The following TFEC variants were observed in gnomAD, a reference collection of about 807,000 sequenced individuals.
The protein encoded by TFEC is transcription factor EC.
TFEC carries 31 observed loss-of-function variants against 41.6 expected under a neutral mutation model. The ratio of observed to expected loss-of-function variants is 0.74; its 90% CI spans 0.56 to 1.01. The LOEUF (loss-of-function observed/expected upper bound fraction) is 1.01. Among genes scored for constraint, TFEC ranks in the 50% least tolerant of loss-of-function variants. TFEC has a pLI of 0.00. For missense variants in TFEC, 402 were observed against 404.1 expected (o/e 0.99, Z 0.04); for synonymous variants, 143 against 140.6 (o/e 1.02, Z -0.12).
intron 2 of TFEC, chr7:116,110,986 C>A: frequency 1.1e-6 from 1 of 889,118 alleles, no homozygotes; most frequent in East Asian, 2.9e-5. Flanking sequence ...AATATTTTAT[C>A]ACCTGAGACT....
At chr7:116,082,467 C>T (rs1393445047) in intron 3 of TFEC, among the ~76,000 whole-genome samples, 1 of 151,924 alleles carries the variant, frequency 6.6e-6, no homozygotes, top group African/African-American at 2.4e-5. Flanking sequence ...ATTAACAAAT[C>T]ATTTGTTAGC....
chr7:116,054,276 T>C (rs779855781), intron 3 of TFEC, among the ~76,000 whole-genome samples: 6 of 152,112 alleles, frequency 3.9e-5, no homozygotes, highest in Non-Finnish European at 8.8e-5. Context: ...AGAGGTATAC[T>C]AGAAAATTAG....
chr7:116,030,724 G>A lies in TFEC; in HGVS notation c.-164C>T, dbSNP rs2130890807. Reference sequence around the variant, plus strand: ...CCATAACATATGCACCATGCCAGAAGGGACAACCAAAGTAAACGATCTAGC... The same window carrying A: ...CCATAACATATGCACCATGCCAGAAAGGACAACCAAAGTAAACGATCTAGC... On this transcript the variant is annotated 5_prime_UTR_variant, in exon 1 of 8. Transcript: ENST00000265440. The A allele has an allele frequency of 1.0e-6, 1 of 985,350 alleles. No homozygotes were observed. Among genetic ancestry groups the A allele is most frequent in the South Asian group, 4.7e-5 (1 of 21,284 alleles). The allele number at this position is 985,350 out of a possible 1,614,324, so 61.0% of individuals were successfully genotyped here.
At chr7:116,122,544 C>G (rs1280456730) in intron 1 of TFEC, among the ~76,000 whole-genome samples, 1 of 152,090 alleles carries the variant, frequency 6.6e-6, no homozygotes, top group African/African-American at 2.4e-5. Context: ...CTTGTTCATT[C>G]ATTCATCACT....
rs548585543 is a variant in TFEC, at chr7:115,958,987, T to C, written c.268-2194A>G. On this transcript the variant is annotated intron_variant, in intron 3 of 7. Transcript: ENST00000265440. ...CAGATTGCATTCACCTGTGAAAAAGTTTACAAAGAAAACTTCTATCAACAT... is the reference window on the plus strand; with the variant it reads ...CAGATTGCATTCACCTGTGAAAAAGCTTACAAAGAAAACTTCTATCAACAT... 9.9e-5 allele frequency among the ~76,000 whole-genome samples: 15 copies of C among 151,862 alleles called. No individual in the cohort carries two copies. In the South Asian group the frequency reaches 3.1e-3, roughly 31 times the overall value.
chr7:116,090,998 G>A (rs980169256), intron 3 of TFEC, among the ~76,000 whole-genome samples: 7 of 151,732 alleles, frequency 4.6e-5, no homozygotes, highest in African/African-American at 1.5e-4. Context: ...ATAGCATCAG[G>A]AGAAGTACCT....
intron 3 of TFEC, among the ~76,000 whole-genome samples, chr7:116,091,113 TA>T (rs1200554310): frequency 6.6e-6 from 1 of 150,918 alleles, no homozygotes; most frequent in African/African-American, 2.4e-5. Context: ...TTAAGTATAA[TA>T]AAAAAAGGAA....
intron 3 of TFEC, among the ~76,000 whole-genome samples, chr7:116,091,017 T>C (rs1482917767): frequency 6.6e-6 from 1 of 151,938 alleles, no homozygotes; most frequent in Non-Finnish European, 1.5e-5. Flanking sequence ...CTAATGTAGA[T>C]GACAGGTTGA....
Position 115,937,303 on chromosome 7 carries a change from T to C in TFEC, c.*3248A>G, listed in dbSNP as rs899411558. On this transcript the variant is annotated 3_prime_UTR_variant, in exon 8 of 8. Coordinates refer to ENST00000265440, the MANE Select transcript of TFEC (RefSeq NM_012252.4). ...TAAATCAATAATTATGCATTAATAG[T>C]CCCATTACAGTTGATGCTTTTTGTG... The C allele has an allele frequency of 6.6e-6, 1 of 151,744 alleles. No individual in the cohort carries two copies. The highest frequency in any genetic ancestry group is 1.9e-4 in the East Asian group (1 of 5,182). The allele number at this position is 151,744 out of a possible 1,614,324, so 9.4% of individuals were successfully genotyped here. A position where few individuals can be genotyped will look rare whatever the true frequency, so the allele number is the denominator to read the frequency against.
At chr7:115,988,887 G>C (rs2130703555) in intron 1 of TFEC, among the ~76,000 whole-genome samples, 1 of 152,008 alleles carries the variant, frequency 6.6e-6, no homozygotes, top group East Asian at 1.9e-4. Flanking sequence ...CCATACAGAA[G>C]CAAAGATAAA....
At position 115,937,226 on chromosome 7, in the gene TFEC, T is replaced by C. The variant is rs1226688225; in HGVS notation, c.*3325A>G. ...AAGGAAGTTTTATTATAATTGTAAT[T>C]ATGAATTAAATCTTTAAATGAAAAG... On this transcript the variant is annotated 3_prime_UTR_variant, in exon 8 of 8. Transcript: ENST00000265440. 1 of 151,746 alleles carries C rather than the reference T, an allele frequency of 6.6e-6. No individual in the cohort carries two copies. Among genetic ancestry groups the C allele is most frequent in the Non-Finnish European group, 1.5e-5 (1 of 67,732 alleles). 9.4% of individuals were successfully genotyped at this position (151,746 alleles called of 1,614,324 possible). A position where few individuals can be genotyped will look rare whatever the true frequency, so the allele number is the denominator to read the frequency against.
intron 1 of TFEC, among the ~76,000 whole-genome samples, chr7:116,150,648 A>G (rs1798742070): frequency 6.6e-6 from 1 of 152,130 alleles, no homozygotes. Context: ...TACTCTTCAA[A>G]TAAAATGCTT....
chr7:115,957,103 C>T (rs1327857166), intron 3 of TFEC, among the ~76,000 whole-genome samples: 2 of 151,820 alleles, frequency 1.3e-5, no homozygotes, highest in Non-Finnish European at 2.9e-5. Flanking sequence ...CAGCATATGA[C>T]CTGGTTATAA....
chr7:116,050,672 A>G (rs1796286907), intron 3 of TFEC, among the ~76,000 whole-genome samples: 1 of 148,816 alleles, frequency 6.7e-6, no homozygotes, highest in Non-Finnish European at 1.5e-5. Flanking sequence ...GATGTAGAGA[A>G]ATAGGAACAC....
intron 3 of TFEC, among the ~76,000 whole-genome samples, chr7:116,079,763 A>G (rs1259755260): frequency 6.6e-6 from 1 of 152,146 alleles, no homozygotes; most frequent in African/African-American, 2.4e-5. Context: ...GTCAAAATCA[A>G]TGTACAAACT....
At chr7:116,004,919 G>A (rs187809939) in intron 1 of TFEC, among the ~76,000 whole-genome samples, 11 of 152,246 alleles carry the variant, frequency 7.2e-5, no homozygotes, top group Non-Finnish European at 1.3e-4. Context: ...AATCATGGGG[G>A]CAGGTCTTTC....
intron 3 of TFEC, among the ~76,000 whole-genome samples, chr7:115,968,990 C>T (rs1225143058): frequency 6.6e-6 from 1 of 151,724 alleles, no homozygotes; most frequent in Admixed American, 6.6e-5. Flanking sequence ...AGTAAGTAAC[C>T]AATGCATGGT....
chr7:116,036,757 TA>T (rs554578436), intron 3 of TFEC, among the ~76,000 whole-genome samples: 9 of 151,910 alleles, frequency 5.9e-5, no homozygotes, highest in African/African-American at 1.4e-4. Context: ...TAATCCATAA[TA>T]AAAAAAGTAA....
intron 3 of TFEC, among the ~76,000 whole-genome samples, chr7:116,038,603 A>G (rs536276976): frequency 6.6e-6 from 1 of 152,138 alleles, no homozygotes; most frequent in South Asian, 2.1e-4. Context: ...AGCATGCTAT[A>G]TTCAAACTAG....
Sources: allele counts gnomAD v4.1 joint callset (sites outside exome capture counted in the v4.1 genomes callset), GRCh38; gene constraint gnomAD v4.1.1; transcripts MANE v1.5; gene names NCBI Gene and HGNC (gene_info 2026-07-23, HGNC 2026-07-21).